The following KCNAB1 variants were observed in gnomAD, a reference collection of about 807,000 sequenced individuals.
The protein encoded by KCNAB1 is potassium voltage-gated channel subfamily A regulatory beta subunit 1.
A neutral mutation model predicts 64.6 loss-of-function variants in KCNAB1; 35 were observed. That is an observed-to-expected ratio of 0.54 (90% CI 0.41 to 0.72). The LOEUF (loss-of-function observed/expected upper bound fraction) is 0.72, where lower values mean the gene tolerates loss of function less well. Among genes scored for constraint, KCNAB1 ranks in the 30% least tolerant of loss-of-function variants. KCNAB1 has a pLI of 0.00. For missense variants in KCNAB1, 401 were observed against 512.9 expected, an observed-to-expected ratio of 0.78 and a Z score of 2.11; for synonymous variants, 177 against 183.8, an observed-to-expected ratio of 0.96 and a Z score of 0.30.
intron 1 of KCNAB1, among the ~76,000 whole-genome samples, chr3:156,274,473 C>T (rs1719219060): frequency 6.6e-6 from 1 of 152,016 alleles, no homozygotes; most frequent in South Asian, 2.1e-4. Context: ...ATTGTAAAAA[C>T]CAGAAAATAC....
rs929583141 is a variant in KCNAB1, at chr3:156,288,252, C to G, written c.276-133364C>G. On this transcript the variant is annotated intron_variant, in intron 1 of 13. Transcript: ENST00000490337. ...ATATGACCTCACTTTACCTCAGTTACCTCTTTAATGTCCTATCTTAAAATA... is the reference window on the plus strand; with the variant it reads ...ATATGACCTCACTTTACCTCAGTTAGCTCTTTAATGTCCTATCTTAAAATA... Among the ~76,000 whole-genome samples, 6 of 152,194 alleles carry G rather than the reference C, an allele frequency of 3.9e-5. No homozygotes were observed. In the East Asian group the frequency reaches 9.6e-4, roughly 24 times the overall value.
At chr3:156,221,586 T>A (rs1289488532) in intron 1 of KCNAB1, among the ~76,000 whole-genome samples, 1 of 152,116 alleles carries the variant, frequency 6.6e-6, no homozygotes, top group Non-Finnish European at 1.5e-5. Context: ...GAGACCAGCC[T>A]GGTCAACATG....
intron 1 of KCNAB1, among the ~76,000 whole-genome samples, chr3:156,297,393 C>G (rs1293148649): frequency 1.3e-5 from 2 of 149,476 alleles, no homozygotes; most frequent in African/African-American, 4.9e-5. Context: ...GAGGGAACAT[C>G]AGCAATGGAG....
chr3:156,207,880 G>C (rs1345568810), intron 1 of KCNAB1, among the ~76,000 whole-genome samples: 2 of 152,120 alleles, frequency 1.3e-5, no homozygotes, highest in African/African-American at 4.8e-5. Context: ...ACCTTTATTT[G>C]GGTGAAATGA....
At chr3:156,498,957 A>G (rs1314773222) in intron 8 of KCNAB1, among the ~76,000 whole-genome samples, 2 of 152,236 alleles carry the variant, frequency 1.3e-5, no homozygotes, top group Non-Finnish European at 2.9e-5. Flanking sequence ...AAGAGATGCA[A>G]GTGGTCCAGT....
intron 1 of KCNAB1, among the ~76,000 whole-genome samples, chr3:156,169,103 G>A (rs4580504): frequency 0.62 from 94,393 of 151,970 alleles, 29,981 homozygotes; most frequent in East Asian, 0.93. Context: ...AGAAATCTTC[G>A]TATTATCCAC....
intron 1 of KCNAB1, among the ~76,000 whole-genome samples, chr3:156,385,479 T>G (rs969104041): frequency 3.3e-5 from 5 of 151,450 alleles, no homozygotes; most frequent in African/African-American, 1.2e-4. Flanking sequence ...GATATACATA[T>G]TGCCTACAAT....
At chr3:156,360,282 G>A (rs756616457) in intron 1 of KCNAB1, among the ~76,000 whole-genome samples, 51 of 152,206 alleles carry the variant, frequency 3.4e-4, no homozygotes, top group African/African-American at 8.7e-4. Context: ...TCATCTCTAC[G>A]TGGATCTCAG....
chr3:156,122,748 T>C (rs1713424006), intron 1 of KCNAB1, among the ~76,000 whole-genome samples: 1 of 152,234 alleles, frequency 6.6e-6, no homozygotes, highest in Admixed American at 6.5e-5. Context: ...TCCTCCTTTA[T>C]TATTGCAGCA....
intron 1 of KCNAB1, among the ~76,000 whole-genome samples, chr3:156,180,731 G>A (rs1433735335): frequency 6.6e-6 from 1 of 152,108 alleles, no homozygotes; most frequent in Non-Finnish European, 1.5e-5. Context: ...AGAACGAGGC[G>A]GGATTCATGC....
At chr3:156,284,108 T>C (rs938978071) in intron 1 of KCNAB1, among the ~76,000 whole-genome samples, 6 of 152,194 alleles carry the variant, frequency 3.9e-5, no homozygotes, top group Non-Finnish European at 8.8e-5. Context: ...TTATCTACTT[T>C]TGGTCTTTGA....
chr3:156,271,338 A>G (rs909708144), intron 1 of KCNAB1, among the ~76,000 whole-genome samples: 6 of 152,120 alleles, frequency 3.9e-5, no homozygotes, highest in South Asian at 4.1e-4. Context: ...TTTTGAGGCT[A>G]TCTTCTAGAT....
At chr3:156,123,166 T>G (rs1388180475) in intron 1 of KCNAB1, among the ~76,000 whole-genome samples, 2 of 152,218 alleles carry the variant, frequency 1.3e-5, no homozygotes, top group Non-Finnish European at 2.9e-5. Context: ...ATAAATATGA[T>G]TAACTTATAA....
intron 1 of KCNAB1, among the ~76,000 whole-genome samples, chr3:156,175,133 C>T (rs752693061): frequency 2.6e-5 from 4 of 152,066 alleles, no homozygotes; most frequent in Non-Finnish European, 5.9e-5. Context: ...AACAGAGGTG[C>T]TTTGGGTTTG....
At chr3:156,416,996 A>G (rs1363461572) in intron 1 of KCNAB1, among the ~76,000 whole-genome samples, 1 of 152,222 alleles carries the variant, frequency 6.6e-6, no homozygotes, top group Non-Finnish European at 1.5e-5. Flanking sequence ...TCTGTCCTCA[A>G]AATGCCTGGC....
intron 1 of KCNAB1, among the ~76,000 whole-genome samples, chr3:156,328,349 A>G (rs922803419): frequency 2.1e-4 from 32 of 152,252 alleles, no homozygotes; most frequent in African/African-American, 7.7e-4. Context: ...GGTTGGATTG[A>G]AAGAACGTGT....
chr3:156,158,172 AAAAT>A (rs201281738), intron 1 of KCNAB1, among the ~76,000 whole-genome samples: 2,855 of 71,162 alleles, frequency 0.04, 99 homozygotes, highest in East Asian at 0.088. Flanking sequence ...CTCAAAAAAA[AAAAT>A]AAAAAATAAA....
intron 1 of KCNAB1, among the ~76,000 whole-genome samples, chr3:156,238,377 A>C (rs960478368): frequency 2.1e-5 from 3 of 145,198 alleles, no homozygotes; most frequent in African/African-American, 7.7e-5. Flanking sequence ...AGCCGAGATC[A>C]CGCCACTGCA....
At chr3:156,196,996 C>T (rs13098116) in intron 1 of KCNAB1, among the ~76,000 whole-genome samples, 18,051 of 152,054 alleles carry the variant, frequency 0.12, 1,245 homozygotes, top group Non-Finnish European at 0.15. Context: ...AGTTTATTGA[C>T]AGTTTTTAGC....
Sources: allele counts gnomAD v4.1 joint callset (sites outside exome capture counted in the v4.1 genomes callset), GRCh38; gene constraint gnomAD v4.1.1; transcripts MANE v1.5; gene names NCBI Gene and HGNC (gene_info 2026-07-23, HGNC 2026-07-21).